The following BTRC variants were observed in gnomAD, a reference collection of about 807,000 sequenced individuals.
The protein encoded by BTRC is beta-transducin repeat containing E3 ubiquitin protein ligase, also known as F-box/WD repeat-containing protein 1A.
BTRC carries 42 observed loss-of-function variants against 85.5 expected under a neutral mutation model. The observed-to-expected ratio is 0.49, with a 90% confidence interval of 0.38 to 0.64. The LOEUF is 0.64. BTRC is among the 30% of genes least tolerant of loss of function. BTRC has a pLI of 0.00. For synonymous variants in BTRC, 255 were observed against 263.3 expected (o/e 0.97, Z 0.30); for missense variants, 594 against 743.5 (o/e 0.80, Z 2.34).
chr10:101,428,187 G>A (rs1292758631), intron 1 of BTRC, among the ~76,000 whole-genome samples: 1 of 152,138 alleles, frequency 6.6e-6, no homozygotes, highest in African/African-American at 2.4e-5. Flanking sequence ...TTAAAGACAG[G>A]GGTAAGATGA....
At chr10:101,533,278 C>G (rs2062328690) in intron 9 of BTRC, among the ~76,000 whole-genome samples, 1 of 152,166 alleles carries the variant, frequency 6.6e-6, no homozygotes, top group Non-Finnish European at 1.5e-5. Flanking sequence ...ATTGAAGAAA[C>G]TACACATTCT....
intron 1 of BTRC, among the ~76,000 whole-genome samples, chr10:101,361,533 G>A (rs1169133760): frequency 2.6e-5 from 4 of 152,160 alleles, no homozygotes; most frequent in Admixed American, 6.5e-5. Flanking sequence ...TTCTCTTTCC[G>A]TAATAAGTCA....
At chr10:101,355,709 C>T (rs1378783638) in intron 1 of BTRC, among the ~76,000 whole-genome samples, 1 of 152,164 alleles carries the variant, frequency 6.6e-6, no homozygotes, top group East Asian at 1.9e-4. Flanking sequence ...AACATGGATA[C>T]TAACAAAATT....
At chr10:101,514,649 C>T (rs773749384) in intron 4 of BTRC, among the ~76,000 whole-genome samples, 2 of 152,124 alleles carry the variant, frequency 1.3e-5, no homozygotes, top group Non-Finnish European at 2.9e-5. Context: ...GATGGGGTTT[C>T]ACCATGTTGG....
chr10:101,499,997 C>G (rs976450360), intron 4 of BTRC, among the ~76,000 whole-genome samples: 3 of 151,498 alleles, frequency 2.0e-5, no homozygotes, highest in African/African-American at 7.3e-5. Flanking sequence ...TGGCAAAGAA[C>G]AGTGGCCATC....
chr10:101,514,171 C>G (rs879687821), intron 4 of BTRC, among the ~76,000 whole-genome samples: 1 of 152,130 alleles, frequency 6.6e-6, no homozygotes, highest in African/African-American at 2.4e-5. Flanking sequence ...ATGCTGGATA[C>G]AAGTCCTTTG....
intron 2 of BTRC, among the ~76,000 whole-genome samples, chr10:101,430,833 GA>G (rs2134082270): frequency 6.6e-6 from 1 of 152,146 alleles, no homozygotes; most frequent in Admixed American, 6.5e-5. Context: ...TCAGTTTCCT[GA>G]ACATTTTCTT....
chr10:101,408,691 G>C lies in BTRC; in HGVS notation c.49-21654G>C, dbSNP rs772574033. Among the ~76,000 whole-genome samples, 9 of 151,876 alleles carry C rather than the reference G, an allele frequency of 5.9e-5. No homozygotes were observed. The East Asian group carries it at 1.7e-3, about 29-fold the overall frequency. ...AGTATTCCATTTTATGCCTTCTATT[G>C]GCTTACTAGGTACCTTTGTTTTGTT... On this transcript the variant is annotated intron_variant, in intron 1 of 14. Transcript: ENST00000370187.
chr10:101,446,935 A>C (rs759701102), intron 2 of BTRC, among the ~76,000 whole-genome samples: 4 of 126,966 alleles, frequency 3.2e-5, no homozygotes, highest in Non-Finnish European at 6.3e-5. Flanking sequence ...GAAGGATACA[A>C]GATTGATTTT....
rs549474862 is a variant in BTRC, at chr10:101,509,719, AT to A, written c.325-11898del. On this transcript the variant is annotated intron_variant, in intron 4 of 14. Coordinates refer to ENST00000370187, the MANE Select transcript of BTRC (RefSeq NM_033637.4). ...AGGCATGCACCACCACACACAGCTA[AT>A]TTTTTTTTTTTTTTTTTTTTTGGTA... Among the ~76,000 whole-genome samples the A allele has an allele frequency of 1.2e-3, 140 of 120,334 alleles. 2 individuals are homozygous for A. Among genetic ancestry groups the A allele is most frequent in the South Asian group, 8.8e-3 (32 of 3,638 alleles). 78.9% of individuals were successfully genotyped at this position (120,334 alleles called of 152,430 possible). A position where few individuals can be genotyped will look rare whatever the true frequency, so the allele number is the denominator to read the frequency against.
rs141492100 is a variant in BTRC at position 101,535,766 on chromosome 10, C to G, written c.1466+294C>G. ...ATGAAAAGAAAGATTTGTTTCCTTACTAGAAATTATGTAATTTTTGTCTTA... is the reference window on the plus strand; with the variant it reads ...ATGAAAAGAAAGATTTGTTTCCTTAGTAGAAATTATGTAATTTTTGTCTTA... On this transcript the variant is annotated intron_variant, in intron 11 of 14. Transcript: ENST00000370187. 3.9e-5 allele frequency among the ~76,000 whole-genome samples: 6 copies of G among 152,278 alleles called. No individual in the cohort carries two copies. In the East Asian group the frequency reaches 1.2e-3, roughly 29 times the overall value.
intron 5 of BTRC, among the ~76,000 whole-genome samples, chr10:101,522,530 C>T (rs1024969522): frequency 1.4e-5 from 2 of 142,940 alleles, no homozygotes; most frequent in Non-Finnish European, 3.0e-5. Context: ...AAGCAATTCT[C>T]CTGCCTCAGC....
chr10:101,440,789 G>GT (rs113763313), intron 2 of BTRC, among the ~76,000 whole-genome samples: 27 of 152,274 alleles, frequency 1.8e-4, no homozygotes, highest in African/African-American at 6.3e-4. Context: ...GGCAAGAGCT[G>GT]TTCTGCATCA....
intron 2 of BTRC, among the ~76,000 whole-genome samples, chr10:101,459,757 A>T (rs1381252596): frequency 6.6e-6 from 1 of 152,168 alleles, no homozygotes; most frequent in Non-Finnish European, 1.5e-5. Context: ...CATTTTCATA[A>T]TACCCACCCA....
Position 101,479,441 on chromosome 10 carries a change from A to C in BTRC, c.308A>C (p.Glu103Ala). Residue 103 changes from glutamate to alanine, a missense_variant, in exon 4 of 15, where the codon GAG becomes GCG. Glu to Ala is a moderately radical substitution (Grantham distance 107). Transcript: ENST00000370187. The stretch of plus-strand genomic sequence containing the variant: ...TTAGCAAGCACTGCTATGAAGACTG[A>C]GAATTGTGTGGCCAAAGTAAGTAAT... ...VCLASTAMKT[E>A]NCVAKTKLAN... 1 of 1,613,042 alleles carries C rather than the reference A, an allele frequency of 6.2e-7. No homozygotes were observed. Among genetic ancestry groups the C allele is most frequent in the Non-Finnish European group, 8.5e-7 (1 of 1,179,232 alleles).
intron 3 of BTRC, among the ~76,000 whole-genome samples, chr10:101,468,211 T>A (rs201456836): frequency 1.3e-5 from 2 of 152,206 alleles, no homozygotes; most frequent in East Asian, 3.8e-4. Context: ...GTGTAATCAC[T>A]GACTTAGTAG....
chr10:101,550,594 C>G, intron 13 of BTRC, 105 bp from the exon 14 acceptor site: 2 of 1,287,882 alleles, frequency 1.6e-6, no homozygotes, highest in Non-Finnish European at 2.2e-6. Flanking sequence ...TTTATAACAG[C>G]AAACCATAGC....
intron 2 of BTRC, among the ~76,000 whole-genome samples, chr10:101,445,991 G>A (rs986871121): frequency 6.6e-6 from 1 of 152,176 alleles, no homozygotes; most frequent in East Asian, 1.9e-4. Flanking sequence ...CACTGGGACG[G>A]AAGATTGCTT....
At chr10:101,439,675 A>C (rs7900747) in intron 2 of BTRC, among the ~76,000 whole-genome samples, 49,790 of 152,080 alleles carry the variant, frequency 0.33, 10,674 homozygotes, top group East Asian at 0.67. Context: ...GACAGTGTTA[A>C]AGAGAAGTGG....
Sources: gnomAD v4.1 joint callset for allele counts (sites outside exome capture counted in the v4.1 genomes callset) on GRCh38, gnomAD v4.1.1 for gene constraint, MANE v1.5 for transcripts, NCBI Gene and HGNC (gene_info 2026-07-23, HGNC 2026-07-21) for gene names.